The following SORBS2 variants were observed in gnomAD, a reference collection of about 807,000 sequenced individuals.
The protein encoded by SORBS2 is sorbin and SH3 domain containing 2.
SORBS2 carries 46 observed loss-of-function variants against 97.7 expected under a neutral mutation model. The ratio of observed to expected loss-of-function variants is 0.47; its 90% CI spans 0.37 to 0.60. The LOEUF (loss-of-function observed/expected upper bound fraction) is 0.60, where lower values mean the gene tolerates loss of function less well. SORBS2 is among the 20% of genes least tolerant of loss of function. The pLI, the probability that SORBS2 is intolerant of heterozygous loss-of-function variation, is 0.00. For synonymous variants in SORBS2, 476 were observed against 473.4 expected, an observed-to-expected ratio of 1.01 and a Z score of -0.07; for missense variants, 1,316 against 1,282.3, an observed-to-expected ratio of 1.03 and a Z score of -0.40.
intron 1 of SORBS2, among the ~76,000 whole-genome samples, chr4:185,946,602 A>C (rs1376757864): frequency 6.6e-6 from 1 of 152,224 alleles, no homozygotes; most frequent in Non-Finnish European, 1.5e-5. Flanking sequence ...AAGGAAATAC[A>C]AAGCAAAGTA....
intron 1 of SORBS2, among the ~76,000 whole-genome samples, chr4:185,938,658 G>T (rs2099270295): frequency 6.6e-6 from 1 of 151,640 alleles, no homozygotes; most frequent in Non-Finnish European, 1.5e-5. Context: ...CTACACTCTG[G>T]TTACGTTCCA....
In SORBS2 at chr4:185,606,197, G is replaced by T. The variant is rs1015843884; in HGVS notation, c.2796+5583C>A. 1 of 985,372 alleles carries T rather than the reference G, an allele frequency of 1.0e-6. No individual in the cohort carries two copies. The allele number at this position is 985,372 out of a possible 1,614,324, so 61.0% of individuals were successfully genotyped here. Reference sequence around the variant, plus strand: ...ACTTCCTCTTCTCTAAAGTGGGGATGATAATGTCACACACCTCACTGGGTT... The same window carrying T: ...ACTTCCTCTTCTCTAAAGTGGGGATTATAATGTCACACACCTCACTGGGTT... On this transcript the variant is annotated intron_variant, in intron 12 of 14. Transcript: ENST00000418609. This position sits in a 1 kb window ranked among gnomAD's most constrained non-coding sequence, Gnocchi z 4.3.
intron 1 of SORBS2, among the ~76,000 whole-genome samples, chr4:185,952,302 A>C (rs2099277589): frequency 6.6e-6 from 1 of 152,240 alleles, no homozygotes; most frequent in South Asian, 2.1e-4. Flanking sequence ...TGCTAGGATT[A>C]CAGGTGTGAG....
intron 1 of SORBS2, among the ~76,000 whole-genome samples, chr4:185,925,352 G>A (rs1304021055): frequency 2.0e-5 from 3 of 152,154 alleles, no homozygotes; most frequent in Non-Finnish European, 4.4e-5. Context: ...ATAGGATGTG[G>A]TGGGTGGTCA....
In SORBS2 at chr4:185,751,172, T is replaced by TAAAA. The variant is rs71593649; in HGVS notation, c.-198+24051_-198+24054dup. Reference sequence around the variant, plus strand: ...AAGGAATGCTCTTAGCTCTAAATACTAAAAAAAAAAAAAAAAAAAGAGAAA... The same window carrying TAAAA: ...AAGGAATGCTCTTAGCTCTAAATACTAAAAAAAAAAAAAAAAAAAAAAAGAGAAA... On this transcript the variant is annotated intron_variant, in intron 2 of 20. Transcript: ENST00000284776. Among the ~76,000 whole-genome samples, 31 of 31,710 alleles carry TAAAA rather than the reference T, an allele frequency of 9.8e-4. 1 individual carries two copies. Among genetic ancestry groups the TAAAA allele is most frequent in the South Asian group, 1.7e-3 (1 of 584 alleles). 20.8% of individuals were successfully genotyped at this position (31,710 alleles called of 152,430 possible).
intron 12 of SORBS2, among the ~76,000 whole-genome samples, chr4:185,609,480 T>C (rs1369351698): frequency 6.6e-6 from 1 of 152,194 alleles, no homozygotes; most frequent in Non-Finnish European, 1.5e-5. Context: ...CCGAAATACA[T>C]GTCAGCAGGT....
At chr4:185,589,345 A>G in intron 14 of SORBS2, 1 of 230,248 alleles carries the variant, frequency 4.3e-6, no homozygotes, top group Non-Finnish European at 8.6e-6. Flanking sequence ...CATTTTCCAC[A>G]GCACAGAGCG....
intron 1 of SORBS2, among the ~76,000 whole-genome samples, chr4:185,841,688 G>A (rs1041891134): frequency 1.3e-5 from 2 of 152,232 alleles, no homozygotes; most frequent in African/African-American, 4.8e-5. Flanking sequence ...CTCTGGTGCT[G>A]TAAACAGGTG....
At chr4:185,818,402 G>T (rs1297709448) in intron 1 of SORBS2, among the ~76,000 whole-genome samples, 1 of 152,006 alleles carries the variant, frequency 6.6e-6, no homozygotes, top group Non-Finnish European at 1.5e-5. Context: ...TGTTAGCCAG[G>T]ATGGTCTCCA....
intron 9 of SORBS2, among the ~76,000 whole-genome samples, chr4:185,617,466 A>G (rs745635643): frequency 3.3e-5 from 5 of 152,170 alleles, no homozygotes; most frequent in Non-Finnish European, 7.3e-5. Flanking sequence ...TGCCAGAGAC[A>G]GTTTCTAGAG....
At chr4:185,791,277 G>C (rs1362920992) in intron 1 of SORBS2, among the ~76,000 whole-genome samples, 3 of 152,110 alleles carry the variant, frequency 2.0e-5, no homozygotes, top group Admixed American at 2.0e-4. Context: ...AAATGTTTAA[G>C]AAAAAGCTTT....
intron 1 of SORBS2, among the ~76,000 whole-genome samples, chr4:185,797,769 C>T (rs551554264): frequency 8.5e-5 from 13 of 152,158 alleles, no homozygotes; most frequent in South Asian, 6.2e-4. Flanking sequence ...CTTCCATGCC[C>T]CCACACCACC....
intron 2 of SORBS2, among the ~76,000 whole-genome samples, chr4:185,694,691 T>C (rs868577133): frequency 2.2e-5 from 3 of 138,436 alleles, no homozygotes; most frequent in African/African-American, 2.6e-5. Context: ...TTTCTTTTTC[T>C]TTTTCCTTTT....
chr4:185,656,858 C>A (rs1349556909), exon 1 of SORBS2: 48 of 1,321,392 alleles, frequency 3.6e-5, no homozygotes, highest in Non-Finnish European at 3.8e-5. Context: ...GAGCTCTCAG[C>A]AGGCACGGCT....
At chr4:185,909,438 T>A (rs1262127131) in intron 1 of SORBS2, among the ~76,000 whole-genome samples, 2 of 152,064 alleles carry the variant, frequency 1.3e-5, no homozygotes, top group African/African-American at 4.8e-5. Flanking sequence ...GGGGACAATG[T>A]ACATTATCTG....
In SORBS2 at chr4:185,637,464, G is replaced by C. The variant is rs943597500; in HGVS notation, c.397-6866C>G. Among the ~76,000 whole-genome samples, 3 of 152,224 alleles carry C rather than the reference G, an allele frequency of 2.0e-5. No individual in the cohort carries two copies. The South Asian group carries it at 6.2e-4, about 31-fold the overall frequency. ...ACCCGTCCACATCCTTAAGCAACAC[G>C]TGACTGTATTTTGTAGTGGGATTAC... is the stretch of plus-strand genomic sequence containing the variant. On this transcript the variant is annotated intron_variant, in intron 4 of 14. Coordinates refer to ENST00000418609, the Ensembl canonical transcript of SORBS2.
intron 1 of SORBS2, among the ~76,000 whole-genome samples, chr4:185,840,990 G>A (rs1032140942): frequency 2.0e-5 from 3 of 152,176 alleles, no homozygotes; most frequent in Non-Finnish European, 4.4e-5. Context: ...TAGCACCTGA[G>A]CCATGTCTTA....
chr4:185,838,305 T>A (rs996322199), intron 1 of SORBS2, among the ~76,000 whole-genome samples: 2 of 152,220 alleles, frequency 1.3e-5, no homozygotes, highest in Non-Finnish European at 2.9e-5. Flanking sequence ...GCCTCTGCCA[T>A]CTCATCTCCT....
intron 1 of SORBS2, among the ~76,000 whole-genome samples, chr4:185,876,916 C>G (rs888820389): frequency 2.6e-5 from 4 of 152,168 alleles, no homozygotes; most frequent in Admixed American, 2.6e-4. Flanking sequence ...CTTTAAGAAT[C>G]AGAAAATGTG....
Sources: gnomAD v4.1 joint callset for allele counts (sites outside exome capture counted in the v4.1 genomes callset) on GRCh38, gnomAD v4.1.1 for gene constraint, Gnocchi (gnomAD v3.1) non-coding constraint, MANE v1.5 for transcripts, NCBI Gene and HGNC (gene_info 2026-07-23, HGNC 2026-07-21) for gene names.